OGT: variants seen among roughly 807,000 people sequenced by gnomAD.
OGT encodes the protein UDP-N-acetylglucosamine--peptide N-acetylglucosaminyltransferase 110 kDa subunit.
A neutral mutation model predicts 75.8 loss-of-function variants in OGT; 3 were observed. The ratio of observed to expected loss-of-function variants is 0.04; its 90% CI spans 0.02 to 0.10. OGT has a LOEUF of 0.10. Among genes scored for constraint, OGT ranks in the 10% least tolerant of loss-of-function variants. The pLI is 1.00. For synonymous variants in OGT, 257 were observed against 289.7 expected (o/e 0.89, Z 1.15); for missense variants, 260 against 824.4 (o/e 0.32, Z 8.38).
chrX:71,561,248 C>A (rs929631127), intron 14 of OGT, among the ~76,000 whole-genome samples: 2 of 110,597 alleles, frequency 1.8e-5, no homozygotes, highest in Admixed American at 1.9e-4. Flanking sequence ...TTTCTAAACT[C>A]CCTCACACTT....
chrX:71,554,405 T>G (rs2040328426), intron 5 of OGT, 108 bp from the exon 6 acceptor site: 1 of 476,647 alleles, frequency 2.1e-6, no homozygotes, highest in African/African-American at 2.4e-5. Flanking sequence ...TAAAATGAAA[T>G]GTAATTGAAA....
At chrX:71,540,375 C>T (rs2040209024) in intron 3 of OGT, among the ~76,000 whole-genome samples, 1 of 111,953 alleles carries the variant, frequency 8.9e-6, no homozygotes, top group African/African-American at 3.3e-5. Flanking sequence ...CATTGTGTAC[C>T]TGAATCATAG....
chrX:71,548,084 A>G, intron 5 of OGT, 61 bp downstream of exon 5: 1 of 1,076,802 alleles, frequency 9.3e-7, no homozygotes, highest in Non-Finnish European at 1.3e-6. Context: ...TGTTTTTACT[A>G]GAACTAAATA....
At chrX:71,542,424 G>T (rs1305279747) in intron 3 of OGT, among the ~76,000 whole-genome samples, 1 of 111,853 alleles carries the variant, frequency 8.9e-6, no homozygotes, top group African/African-American at 3.3e-5. Flanking sequence ...TTATCTTATA[G>T]TAATCTTGAA....
chrX:71,555,809 T>G, intron 7 of OGT, 145 bp from the exon 8 acceptor site: 1 of 621,681 alleles, frequency 1.6e-6, no homozygotes. Context: ...TACTTTAGAG[T>G]TTTGGTTGAG....
intron 5 of OGT, among the ~76,000 whole-genome samples, chrX:71,548,809 T>C (rs1424115452): frequency 9.0e-6 from 1 of 111,126 alleles, no homozygotes; most frequent in African/African-American, 3.3e-5. Context: ...CCAGGTACTA[T>C]GTTCACTACC....
At chrX:71,562,575 C>T (rs951691506) in intron 15 of OGT, among the ~76,000 whole-genome samples, 1 of 112,133 alleles carries the variant, frequency 8.9e-6, no homozygotes, top group African/African-American at 3.2e-5. Context: ...TGCTTGAGCC[C>T]AGGAGTTTGA....
In OGT at chrX:71,563,497, C is replaced by G; in HGVS notation, c.2434C>G (p.Gln812Glu). ...TATTAGCAATGGACTGGCAACTACT[C>G]AGGTGAGAAGATAATAATACACCAT... Reference protein sequence around the residue: ...FSISNGLATTQINNKAATGEE... With the variant: ...FSISNGLATTEINNKAATGEE... The change falls in exon 18 of 22, where the codon CAG (glutamine) becomes GAG (glutamate). Residue 812 changes from glutamine (Q) to glutamate (E), a missense_variant and splice_region_variant. Transcript: ENST00000373719. 2.5e-6 allele frequency: 3 copies of G among 1,183,629 alleles called. No individual in the cohort carries two copies. Among genetic ancestry groups the G allele is most frequent in the Non-Finnish European group, 3.4e-6 (3 of 876,570 alleles).
At chrX:71,544,792 G>A (rs2040248210) in intron 4 of OGT, 157 bp downstream of exon 4, 1 of 465,318 alleles carries the variant, frequency 2.1e-6, no homozygotes, top group Non-Finnish European at 3.7e-6. Context: ...GCAGGGCCAG[G>A]CTTTGGCATA....
chrX:71,541,256 T>C (rs1009088551), intron 3 of OGT, among the ~76,000 whole-genome samples: 1 of 112,004 alleles, frequency 8.9e-6, no homozygotes, highest in African/African-American at 3.2e-5. Flanking sequence ...TGTTATTTGT[T>C]ACTTGTTACT....
intron 21 of OGT, among the ~76,000 whole-genome samples, chrX:71,572,142 C>T (rs2040463149): frequency 9.0e-6 from 1 of 111,430 alleles, no homozygotes; most frequent in Non-Finnish European, 1.9e-5. Flanking sequence ...CTTCATGCTC[C>T]TTATCAGTCA....
At position 71,563,207 on chromosome X, in the gene OGT, A is replaced by G. The variant is rs2040395533; in HGVS notation, c.2226A>G (p.Lys742=). Residue 742 remains lysine (K), a synonymous_variant, in exon 17 of 22, where the codon AAA becomes AAG. Coordinates refer to ENST00000373719, the MANE Select transcript of OGT (RefSeq NM_181672.3). Reference sequence around the variant, plus strand: ...TAGTTCTGAATGGCATCGACCTCAAAGCATTTCTTGATAGTCTACCAGATG... The same window carrying G: ...TAGTTCTGAATGGCATCGACCTCAAGGCATTTCTTGATAGTCTACCAGATG... The part of the protein sequence containing the change: ...NRIVLNGIDL[K]AFLDSLPDVK... 2.5e-6 allele frequency: 3 copies of G among 1,211,366 alleles called. No individual in the cohort carries two copies.
intron 5 of OGT, among the ~76,000 whole-genome samples, chrX:71,549,125 C>T (rs1048366341): frequency 2.8e-5 from 3 of 106,450 alleles, no homozygotes; most frequent in African/African-American, 1.0e-4. Flanking sequence ...GACAACATAA[C>T]GAGACCCTGT....
In OGT at chrX:71,574,391, A is replaced by G. The variant is rs183943406; in HGVS notation, c.*597A>G. On this transcript the variant is annotated 3_prime_UTR_variant, in exon 22 of 22. Coordinates refer to ENST00000373719, the MANE Select transcript of OGT (RefSeq NM_181672.3). Reference sequence around the variant, plus strand: ...AGTGTCTGACCTAATATTTGGAGCTATCAGTGCTTTGTTGATTTAGATGAT... The same window carrying G: ...AGTGTCTGACCTAATATTTGGAGCTGTCAGTGCTTTGTTGATTTAGATGAT... 4.6e-4 allele frequency: 51 copies of G among 111,231 alleles called. 1 individual carries two copies. Among genetic ancestry groups the G allele is most frequent in the African/African-American group, 1.5e-3 (46 of 30,550 alleles). The allele number at this position is 111,231 out of a possible 1,213,427, so 9.2% of individuals were successfully genotyped here.
intron 4 of OGT, chrX:71,546,428 C>T: frequency 1.3e-6 from 1 of 754,399 alleles, no homozygotes; most frequent in Non-Finnish European, 1.6e-6. Context: ...AGGGCAGACA[C>T]ACAACCTCCT....
At chrX:71,544,900 T>TA in intron 4 of OGT, 1 of 315,068 alleles carries the variant, frequency 3.2e-6, no homozygotes, top group South Asian at 7.3e-5. Flanking sequence ...GTCATGATCT[T>TA]ATGTGGGAAT....
At chrX:71,553,082 A>G (rs1459944463) in intron 5 of OGT, among the ~76,000 whole-genome samples, 1 of 111,963 alleles carries the variant, frequency 8.9e-6, no homozygotes, top group African/African-American at 3.2e-5. Context: ...CTAAGTGAAG[A>G]TGAAGTGTTC....
chrX:71,572,180 C>T (rs2040463475), intron 21 of OGT, among the ~76,000 whole-genome samples: 1 of 111,868 alleles, frequency 8.9e-6, no homozygotes, highest in African/African-American at 3.2e-5. Flanking sequence ...CCAGAGACAA[C>T]CACTGTTCTG....
chrX:71,533,339 A>G lies in OGT; in HGVS notation c.37+3A>G. The G allele has an allele frequency of 8.4e-7, 1 of 1,194,685 alleles. No homozygotes were observed. Among genetic ancestry groups the G allele is most frequent in the Non-Finnish European group, 1.1e-6 (1 of 886,404 alleles). ...GGGCAACGTGGCCGACAGCACAGGT[A>G]CCGGTGTCCCGTTCTACCTTGGCAG... is the stretch of plus-strand genomic sequence containing the variant. On this transcript the variant is annotated splice_donor_region_variant and intron_variant, in intron 1 of 21. Coordinates refer to ENST00000373719, the MANE Select transcript of OGT (RefSeq NM_181672.3).
Sources: allele counts gnomAD v4.1 joint callset (sites outside exome capture counted in the v4.1 genomes callset), GRCh38; gene constraint gnomAD v4.1.1; transcripts MANE v1.5; gene names NCBI Gene and HGNC (gene_info 2026-07-23, HGNC 2026-07-21).